Variants in TMC6 observed in about 807,000 individuals in gnomAD.
TMC6 encodes transmembrane channel like 6.
A neutral mutation model predicts 95.4 loss-of-function variants in TMC6; 71 were observed. The observed-to-expected ratio is 0.74, with a 90% confidence interval of 0.61 to 0.91. TMC6 has a LOEUF of 0.91. Ranked by LOEUF, TMC6 falls within the 40% of genes least tolerant of loss-of-function variation. The pLI, the probability that TMC6 is intolerant of heterozygous loss-of-function variation, is 0.00. For missense variants in TMC6, 1,074 were observed against 1,079.1 expected (o/e 1.00, Z 0.07); for synonymous variants, 514 against 483.1 (o/e 1.06, Z -0.84).
upstream of TMC6, chr17:78,132,288 G>A: frequency 1.3e-6 from 2 of 1,578,088 alleles, no homozygotes; most frequent in South Asian, 2.2e-5. Flanking sequence ...CGGTGGGCCC[G>A]CCCTTGGACT....
chr17:78,119,315 TAAA>T lies in TMC6; in HGVS notation c.1790_1792del (p.Ile597_Tyr598delinsAsn). ...CCCTCACCAGGTCAGAGTCTGCCCA[TAAA>T]TCAGCTCCAGGACATTCCGGGCAAT... On this transcript the variant is annotated inframe_deletion, in exon 14 of 20. Coordinates refer to ENST00000590602, the MANE Select transcript of TMC6 (RefSeq NM_001127198.5). 6.2e-7 allele frequency: 1 copy of T among 1,613,946 alleles called. No homozygotes were observed. Among genetic ancestry groups the T allele is most frequent in the Admixed American group, 1.7e-5 (1 of 60,020 alleles).
chr17:78,117,746 C>CGTG lies in TMC6; in HGVS notation c.2021+55_2021+56insCAC, dbSNP rs1236383761. On this transcript the variant is annotated intron_variant, in intron 16 of 19. Coordinates refer to ENST00000590602, the MANE Select transcript of TMC6 (RefSeq NM_001127198.5). ...CCCTAAGCCTTGGGCCCCCCAGGCA[C>CGTG]CACCACCCAACCCCCAGATGACACA... 3 of 1,582,696 alleles carry CGTG rather than the reference C, an allele frequency of 1.9e-6. No individual in the cohort carries two copies. The East Asian group carries it at 7.0e-5, about 37-fold the overall frequency.
Position 78,126,857 on chromosome 17 carries a change from T to G in TMC6, c.-25A>C, listed in dbSNP as rs375251615. On this transcript the variant is annotated 5_prime_UTR_variant, in exon 2 of 20. Transcript: ENST00000590602. The stretch of plus-strand genomic sequence containing the variant: ...TGTCTCTGGCCAATGCCCGCTAGTC[T>G]GCAGACCTAGGGTAGCTCAGAGCCT... 52 of 1,610,666 alleles carry G rather than the reference T, an allele frequency of 3.2e-5. No homozygotes were observed. The African/African-American group carries it at 6.4e-4, about 20-fold the overall frequency.
At chr17:78,125,582 G>C (rs1275916871) in intron 5 of TMC6, 144 bp downstream of exon 5, 2 of 1,293,200 alleles carry the variant, frequency 1.5e-6, no homozygotes, top group African/African-American at 1.5e-5. Flanking sequence ...AGAGGGACGG[G>C]GGGGCCTTCA....
At chr17:78,127,353 G>C (rs904815450) in intron 1 of TMC6, among the ~76,000 whole-genome samples, 3 of 152,164 alleles carry the variant, frequency 2.0e-5, no homozygotes, top group Non-Finnish European at 2.9e-5. Context: ...CAGGAAATTA[G>C]CTGCTGGAGC....
At chr17:78,124,864 C>T (rs1449485218) in intron 7 of TMC6, 25 bp downstream of exon 7, 1 of 1,589,406 alleles carries the variant, frequency 6.3e-7, no homozygotes, top group Non-Finnish European at 8.6e-7. Context: ...CCGCCCCAGC[C>T]CCAGGGCAGA....
chr17:78,123,480 T>C (rs897423053), intron 9 of TMC6, among the ~76,000 whole-genome samples: 9 of 149,356 alleles, frequency 6.0e-5, no homozygotes, highest in Non-Finnish European at 8.9e-5. Flanking sequence ...AGTGGGTGGA[T>C]GGATGAATGG....
chr17:78,117,587 G>A lies in TMC6; in HGVS notation c.2079C>T (p.Ala693=), dbSNP rs756312475. ...CCAGGTGGCGCACCCACACCCTGCC[G>A]GCCTCGTACATGGTGTCCAGGGTCC... ...PFRTLDTMYE[A]GRVWVRHLEA... is the part of the protein sequence containing the mutation. Residue 693 remains alanine, a synonymous_variant, in exon 17 of 20, where the codon GCC becomes GCT. Transcript: ENST00000590602. The A allele has an allele frequency of 7.6e-5, 121 of 1,584,626 alleles. No homozygotes were observed. The East Asian group carries it at 1.7e-3, about 22-fold the overall frequency.
rs982608865 is a variant in TMC6 at position 78,128,450 on chromosome 17, C to T, written c.-75+162G>A. ...CTGCCGCTCCCAGCTCTGTCCGAGC[C>T]GGAGGGTCAAGCCCTGGGAGCTCCA... On this transcript the variant is annotated intron_variant, in intron 1 of 19. Transcript: ENST00000590602. This position sits in a 1 kb window ranked among gnomAD's most constrained non-coding sequence, Gnocchi z 4.0. 1.3e-5 allele frequency among the ~76,000 whole-genome samples: 2 copies of T among 152,156 alleles called. No individual in the cohort carries two copies. Among genetic ancestry groups the T allele is most frequent in the Non-Finnish European group, 1.5e-5 (1 of 68,006 alleles).
At position 78,122,451 on chromosome 17, in the gene TMC6, G is replaced by T; in HGVS notation, c.1227+154C>A. 1.7e-6 allele frequency: 2 copies of T among 1,143,320 alleles called. No individual in the cohort carries two copies. The highest frequency in any genetic ancestry group is 1.2e-6 in the Non-Finnish European group (1 of 820,080). The allele number at this position is 1,143,320 out of a possible 1,614,324, so 70.8% of individuals were successfully genotyped here. ...ACTCAGGGCCTGCCCGTCACTGCAA[G>T]CAGAAGACCACGCCTGCCCAGCGCC... is the stretch of plus-strand genomic sequence containing the variant. On this transcript the variant is annotated intron_variant, in intron 10 of 19. Transcript: ENST00000590602. The surrounding 1 kb of genome is among the most constrained non-coding windows in gnomAD (Gnocchi z 4.9).
At chr17:78,127,422 G>C (rs547390945) in intron 1 of TMC6, among the ~76,000 whole-genome samples, 4 of 152,298 alleles carry the variant, frequency 2.6e-5, no homozygotes, top group African/African-American at 9.6e-5. Context: ...CCCACACACA[G>C]AGGTCACTCC....
At chr17:78,119,096 C>A in intron 14 of TMC6, 50 bp from the exon 15 acceptor site, 2 of 1,545,630 alleles carry the variant, frequency 1.3e-6, no homozygotes, top group East Asian at 2.4e-5. Context: ...CTCCCCTCCC[C>A]GAGATCAGGC....
Position 78,119,347 on chromosome 17 carries a change from A to C in TMC6, c.1761T>G (p.Phe587Leu), listed in dbSNP as rs1449394311. ...KKLKRRRKPE[F>L]DIARNVLELI... is the part of the protein sequence containing the mutation. ...GCTCCAGGACATTCCGGGCAATGTC[A>C]AACTCCGGCTTCCGCCTCCTCTTCA... The change falls in exon 14 of 20, where the codon TTT (phenylalanine) becomes TTG (leucine). Residue 587 changes from phenylalanine (F) to leucine (L), a missense_variant. Transcript: ENST00000590602. The C allele has an allele frequency of 4.3e-6, 7 of 1,614,068 alleles. No homozygotes were observed. Among genetic ancestry groups the C allele is most frequent in the Non-Finnish European group, 5.9e-6 (7 of 1,180,030 alleles).
Position 78,122,622 on chromosome 17 carries a change from TA to T in TMC6, c.1209del (p.Asn403LysfsTer6). ...CCACTCACCTTCAGCCGGGTGCGAA[TA>T]TTGTCCTGCTGGAGGCGGGAGGCCC... ...QKRASRLQQD[N>X]IRTRLKELLA... On this transcript the variant is annotated frameshift_variant, in exon 10 of 20. Coordinates refer to ENST00000590602, the MANE Select transcript of TMC6 (RefSeq NM_001127198.5). LOFTEE classifies it high-confidence loss of function. This position sits in a 1 kb window ranked among gnomAD's most constrained non-coding sequence, Gnocchi z 4.9. 1 of 1,611,402 alleles carries T rather than the reference TA, an allele frequency of 6.2e-7. No individual in the cohort carries two copies. Among genetic ancestry groups the T allele is most frequent in the Non-Finnish European group, 8.5e-7 (1 of 1,179,904 alleles).
chr17:78,115,655 A>C (rs1171807170), intron 18 of TMC6, among the ~76,000 whole-genome samples: 7 of 146,740 alleles, frequency 4.8e-5, no homozygotes, highest in African/African-American at 1.8e-4. Context: ...GGGAGTGGGC[A>C]CAGGGGCGAA....
At position 78,117,882 on chromosome 17, in the gene TMC6, G is replaced by A. The variant is rs1287609860; in HGVS notation, c.1941C>T (p.His647=). The A allele has an allele frequency of 6.2e-7, 1 of 1,607,304 alleles. No homozygotes were observed. The highest frequency in any genetic ancestry group is 1.3e-5 in the African/African-American group (1 of 75,044). Reference sequence around the variant, plus strand: ...GCAGCGTGAGGAAGACGGTGCTCATGTGTGAGGCCAGCCAGGGCCGGCGCG... The same window carrying A: ...GCAGCGTGAGGAAGACGGTGCTCATATGTGAGGCCAGCCAGGGCCGGCGCG... ...QAPRRPWLAS[H]MSTVFLTLLC... is the part of the protein sequence containing the mutation. The change falls in exon 16 of 20, where the codon CAC becomes CAT. Residue 647 remains histidine (H), a synonymous_variant. Transcript: ENST00000590602.
In TMC6 at chr17:78,126,285, C is replaced by CG; in HGVS notation, c.262dup (p.Arg88ProfsTer87). 1 of 1,559,184 alleles carries CG rather than the reference C, an allele frequency of 6.4e-7. No individual in the cohort carries two copies. Among genetic ancestry groups the CG allele is most frequent in the South Asian group, 1.2e-5 (1 of 85,226 alleles). On this transcript the variant is annotated frameshift_variant, in exon 4 of 20. Coordinates refer to ENST00000590602, the MANE Select transcript of TMC6 (RefSeq NM_001127198.5). LOFTEE classifies it high-confidence loss of function. ...CTGAGGGTCCCACTCACCAATGGTG[C>CG]GGCTGGGCATGCTGGCCAGGATGCG...
chr17:78,118,864 A>C, intron 15 of TMC6, 107 bp downstream of exon 15: 1 of 1,297,396 alleles, frequency 7.7e-7, no homozygotes, highest in East Asian at 2.5e-5. Context: ...GCCCCACTCC[A>C]CTCAGGTGGG....
rs2073737780 is a variant in TMC6, at chr17:78,108,152, T to C, written c.*4996A>G. The C allele has an allele frequency of 6.6e-6, 1 of 152,290 alleles. No individual in the cohort carries two copies. Among genetic ancestry groups the C allele is most frequent in the African/African-American group, 2.4e-5 (1 of 41,428 alleles). The allele number at this position is 152,290 out of a possible 1,614,324, so 9.4% of individuals were successfully genotyped here. On this transcript the variant is annotated 3_prime_UTR_variant, in exon 20 of 20. Transcript: ENST00000590602. ...GCCCCTCAAACTAAGCAAGGATCTTTTTTCTGTCTGCGCTCCCTGGGGCAA... is the reference window on the plus strand; with the variant it reads ...GCCCCTCAAACTAAGCAAGGATCTTCTTTCTGTCTGCGCTCCCTGGGGCAA...
Sources: allele counts gnomAD v4.1 joint callset (sites outside exome capture counted in the v4.1 genomes callset), GRCh38; gene constraint gnomAD v4.1.1; non-coding constraint Gnocchi (gnomAD v3.1); transcripts MANE v1.5; gene names NCBI Gene and HGNC (gene_info 2026-07-23, HGNC 2026-07-21).